Variants in DCDC1 observed in about 807,000 individuals in gnomAD.
The protein encoded by DCDC1 is doublecortin domain-containing protein 1.
A neutral mutation model predicts 178.3 loss-of-function variants in DCDC1; 200 were observed. The ratio of observed to expected loss-of-function variants is 1.12; its 90% CI spans 1.00 to 1.26. The LOEUF is 1.26. Ranked by LOEUF, DCDC1 falls within the 50% of genes most tolerant of loss-of-function variation. The probability of loss-of-function intolerance (pLI) is 0.00; values close to 1 mark genes in which losing one functional copy is unlikely to be tolerated. For missense variants in DCDC1, 1,983 were observed against 1,749.2 expected (o/e 1.13, Z -2.38); for synonymous variants, 690 against 604.8 (o/e 1.14, Z -2.07).
chr11:30,902,945 C>CATG (rs1944800184), intron 32 of DCDC1, among the ~76,000 whole-genome samples: 1 of 151,972 alleles, frequency 6.6e-6, no homozygotes, highest in Non-Finnish European at 1.5e-5. Context: ...TGCAGTGTGT[C>CATG]CAAAAATGCA....
At chr11:30,948,671 A>T (rs951041387) in intron 21 of DCDC1, among the ~76,000 whole-genome samples, 12 of 152,176 alleles carry the variant, frequency 7.9e-5, no homozygotes, top group Non-Finnish European at 1.5e-4. Context: ...AGACCAATGG[A>T]ACAGAACGGA....
chr11:31,234,387 C>T (rs542383434), intron 9 of DCDC1, among the ~76,000 whole-genome samples: 1 of 152,176 alleles, frequency 6.6e-6, no homozygotes, highest in African/African-American at 2.4e-5. Context: ...GATGTTTACT[C>T]GAACTAACGC....
rs57107732 is a variant in DCDC1, at chr11:31,343,920, A to AAAATAAAT, written c.-124-8364_-124-8357dup. On this transcript the variant is annotated intron_variant, in intron 1 of 38. Transcript: ENST00000684477. ...GGGCAACAGAGTGAGACTCCATCTCAAAATAAATAAATAAATAAATAAATA... is the reference window on the plus strand; with the variant it reads ...GGGCAACAGAGTGAGACTCCATCTCAAAATAAATAAATAAATAAATAAATAAATAAATA... Among the ~76,000 whole-genome samples the AAAATAAAT allele has an allele frequency of 5.9e-3, 875 of 149,394 alleles. 13 individuals carry two copies. Among genetic ancestry groups the AAAATAAAT allele is most frequent in the African/African-American group, 0.021 (836 of 40,374 alleles).
At chr11:31,050,015 A>T (rs573283080) in intron 20 of DCDC1, among the ~76,000 whole-genome samples, 1 of 152,324 alleles carries the variant, frequency 6.6e-6, no homozygotes, top group South Asian at 2.1e-4. Context: ...CCAGAACTCC[A>T]GGGAGGGTGA....
intron 9 of DCDC1, among the ~76,000 whole-genome samples, chr11:31,184,591 T>C (rs1969247252): frequency 2.0e-5 from 3 of 151,960 alleles, no homozygotes; most frequent in Admixed American, 2.0e-4. Flanking sequence ...AAAACAACCC[T>C]ATCAAAAAGT....
intron 20 of DCDC1, among the ~76,000 whole-genome samples, chr11:31,033,541 T>A (rs1435659962): frequency 2.6e-5 from 4 of 152,204 alleles, no homozygotes; most frequent in Non-Finnish European, 5.9e-5. Flanking sequence ...TGAATATTTA[T>A]CTTAAGTTTT....
At chr11:31,104,858 T>C (rs1359676552) in intron 13 of DCDC1, among the ~76,000 whole-genome samples, 5 of 152,074 alleles carry the variant, frequency 3.3e-5, no homozygotes, top group Admixed American at 3.3e-4. Context: ...GTGAAAGATA[T>C]ACAGGAGCTC....
At chr11:31,164,430 C>A (rs1407147475) in intron 9 of DCDC1, among the ~76,000 whole-genome samples, 2 of 152,114 alleles carry the variant, frequency 1.3e-5, no homozygotes, top group Non-Finnish European at 2.9e-5. Context: ...CAGCTCCATG[C>A]ATGTTACTGA....
chr11:31,079,706 AT>A (rs1360292520), intron 17 of DCDC1, among the ~76,000 whole-genome samples: 12 of 152,332 alleles, frequency 7.9e-5, no homozygotes, highest in Admixed American at 3.9e-4. Flanking sequence ...GAAAAAAAAA[AT>A]AACACATCTA....
intron 7 of DCDC1, among the ~76,000 whole-genome samples, chr11:31,277,105 A>G (rs1032394172): frequency 6.6e-6 from 1 of 152,096 alleles, no homozygotes; most frequent in African/African-American, 2.4e-5. Context: ...ACCACCTTCC[A>G]AAATTCCTCA....
chr11:31,288,250 T>C (rs754526618), intron 7 of DCDC1, among the ~76,000 whole-genome samples: 1 of 151,924 alleles, frequency 6.6e-6, no homozygotes, highest in Non-Finnish European at 1.5e-5. Context: ...CAAATTTTTC[T>C]TAATACCTTT....
chr11:31,013,189 T>C (rs922883785), intron 20 of DCDC1, among the ~76,000 whole-genome samples: 1 of 152,212 alleles, frequency 6.6e-6, no homozygotes, highest in Non-Finnish European at 1.5e-5. Flanking sequence ...TTCTGTAAAA[T>C]ATCTTTCTAA....
Position 31,102,222 on chromosome 11 carries a change from G to C in DCDC1, c.1938C>G (p.Asp646Glu), listed in dbSNP as rs368280662. The C allele has an allele frequency of 3.1e-5, 23 of 738,090 alleles. No individual in the cohort carries two copies. Among genetic ancestry groups the C allele is most frequent in the Non-Finnish European group, 5.2e-5 (21 of 400,644 alleles). 45.7% of individuals were successfully genotyped at this position (738,090 alleles called of 1,614,324 possible). Residue 646 changes from aspartate (D) to glutamate (E), a missense_variant, in exon 15 of 39, where the codon GAC (aspartate) becomes GAG (glutamate). Transcript: ENST00000684477. ...TCTCCAAGTCCACCTTTTCAAACTG[G>C]TCAGGTATCTGTTGACTGGTACAGT... ...NFNCTSQQIP[D>E]QFEKVDLENH...
chr11:31,347,636 G>A (rs974135779), intron 1 of DCDC1, among the ~76,000 whole-genome samples: 15 of 152,232 alleles, frequency 9.9e-5, no homozygotes, highest in African/African-American at 2.2e-4. Context: ...TGTATCCTGC[G>A]TTACATGCTA....
chr11:31,190,385 T>C (rs1037436025), intron 9 of DCDC1, among the ~76,000 whole-genome samples: 40 of 152,164 alleles, frequency 2.6e-4, no homozygotes, highest in Admixed American at 2.6e-3. Context: ...AAAAGCAAAG[T>C]GGAAGTAATA....
chr11:30,904,846 T>C lies in DCDC1; in HGVS notation c.4308+115A>G, dbSNP rs1944945961. 5.8e-6 allele frequency: 7 copies of C among 1,198,284 alleles called. 1 individual carries two copies. Among genetic ancestry groups the C allele is most frequent in the Non-Finnish European group, 6.0e-6 (5 of 831,170 alleles). The allele number at this position is 1,198,284 out of a possible 1,614,324, so 74.2% of individuals were successfully genotyped here. A position where few individuals can be genotyped will look rare whatever the true frequency, so the allele number is the denominator to read the frequency against. The stretch of plus-strand genomic sequence containing the variant: ...AGATCTTCATCTCATCAGCTTTAAC[T>C]GGTGAATCTGGCCAGGGACATTTAT... On this transcript the variant is annotated intron_variant, in intron 31 of 38. Transcript: ENST00000684477.
intron 7 of DCDC1, among the ~76,000 whole-genome samples, chr11:31,286,936 G>C (rs939972997): frequency 3.3e-5 from 5 of 152,020 alleles, no homozygotes; most frequent in African/African-American, 1.2e-4. Context: ...CACTTGGCTA[G>C]TACATTGCTC....
chr11:31,238,638 C>T (rs190236812), intron 9 of DCDC1, among the ~76,000 whole-genome samples: 41 of 152,186 alleles, frequency 2.7e-4, no homozygotes, highest in Admixed American at 2.4e-3. Context: ...AACAAGAATG[C>T]TAATGAGATG....
At chr11:31,025,215 C>G (rs1364724143) in intron 20 of DCDC1, among the ~76,000 whole-genome samples, 1 of 151,720 alleles carries the variant, frequency 6.6e-6, no homozygotes, top group Non-Finnish European at 1.5e-5. Flanking sequence ...GTAAGTACTT[C>G]CAAATATAAG....
Sources: allele counts gnomAD v4.1 joint callset (sites outside exome capture counted in the v4.1 genomes callset), GRCh38; gene constraint gnomAD v4.1.1; transcripts MANE v1.5; gene names NCBI Gene and HGNC (gene_info 2026-07-23, HGNC 2026-07-21).